VTA1: variants seen among roughly 807,000 people sequenced by gnomAD.
The protein encoded by VTA1 is vacuolar protein sorting-associated protein VTA1 homolog.
A neutral mutation model predicts 36.9 loss-of-function variants in VTA1; 24 were observed. That is an observed-to-expected ratio of 0.65 (90% CI 0.47 to 0.91). The LOEUF (loss-of-function observed/expected upper bound fraction) is 0.91. Ranked by LOEUF, VTA1 falls within the 40% of genes least tolerant of loss-of-function variation. VTA1 has a pLI of 0.00. For missense variants in VTA1, 393 were observed against 377.2 expected (o/e 1.04, Z -0.35); for synonymous variants, 142 against 130.2 (o/e 1.09, Z -0.62).
At chr6:142,166,933 A>C in intron 2 of VTA1, among the ~76,000 whole-genome samples, 1 of 151,614 alleles carries the variant, frequency 6.6e-6, no homozygotes, top group East Asian at 1.9e-4. Flanking sequence ...GCCGTGAAAA[A>C]CCCTTTCTAA....
chr6:142,184,150 G>A (rs1335411686), intron 4 of VTA1, among the ~76,000 whole-genome samples: 32 of 152,078 alleles, frequency 2.1e-4, no homozygotes. Context: ...ACTACCAAAA[G>A]GTACATTCTG....
At chr6:142,149,816 T>A (rs1022945917) in intron 1 of VTA1, among the ~76,000 whole-genome samples, 29 of 152,180 alleles carry the variant, frequency 1.9e-4, no homozygotes, top group Non-Finnish European at 4.4e-5. Context: ...TGTAGATGGG[T>A]GTTTTTAATC....
At chr6:142,192,173 G>A (rs1250983827) in intron 5 of VTA1, among the ~76,000 whole-genome samples, 1 of 151,982 alleles carries the variant, frequency 6.6e-6, no homozygotes, top group African/African-American at 2.4e-5. Flanking sequence ...AGATAGCAAA[G>A]CAATATGCAT....
intron 7 of VTA1, among the ~76,000 whole-genome samples, chr6:142,208,600 C>G (rs1232931331): frequency 1.3e-5 from 2 of 152,076 alleles, no homozygotes; most frequent in African/African-American, 4.8e-5. Context: ...CGAACAGATT[C>G]AACCCCCAAA....
At chr6:142,190,870 A>G (rs918850183) in intron 5 of VTA1, among the ~76,000 whole-genome samples, 5 of 152,224 alleles carry the variant, frequency 3.3e-5, no homozygotes, top group African/African-American at 4.8e-5. Flanking sequence ...GTTGTGTTCC[A>G]GTAAAGCTTT....
At chr6:142,170,582 A>T (rs763997845) in intron 4 of VTA1, among the ~76,000 whole-genome samples, 161 bp downstream of exon 4, 6 of 152,246 alleles carry the variant, frequency 3.9e-5, no homozygotes, top group Non-Finnish European at 5.9e-5. Context: ...TTTAAAAAGT[A>T]AATTATTTCC....
intron 5 of VTA1, among the ~76,000 whole-genome samples, chr6:142,192,718 G>A (rs1775478418): frequency 6.6e-6 from 1 of 151,798 alleles, no homozygotes; most frequent in African/African-American, 2.4e-5. Context: ...GTGTGTGTGT[G>A]TGTGTGTGTG....
intron 7 of VTA1, among the ~76,000 whole-genome samples, chr6:142,206,955 T>C (rs1187374731): frequency 6.6e-6 from 1 of 152,184 alleles, no homozygotes; most frequent in African/African-American, 2.4e-5. Context: ...AAAATGGTTC[T>C]GATGCCTAAA....
chr6:142,158,944 C>A (rs559039549), intron 1 of VTA1, among the ~76,000 whole-genome samples: 33 of 152,076 alleles, frequency 2.2e-4, no homozygotes, highest in Non-Finnish European at 8.8e-5. Flanking sequence ...TATACGTATA[C>A]CATAAACCTT....
At position 142,222,098 on chromosome 6, in the gene VTA1, CTGTAA is replaced by C. The variant is rs1462696596; in HGVS notation, c.*3456_*3460del. Reference sequence around the variant, plus strand: ...TTTTTTAGGTAGAGCCACAGGATTTCTGTAAACTGGATGTGAGGTACGAACATAAG... The same window carrying C: ...TTTTTTAGGTAGAGCCACAGGATTTCACTGGATGTGAGGTACGAACATAAG... On this transcript the variant is annotated 3_prime_UTR_variant, in exon 8 of 8. Coordinates refer to ENST00000367630, the MANE Select transcript of VTA1 (RefSeq NM_016485.5). The C allele has an allele frequency of 6.6e-6, 1 of 151,950 alleles. No homozygotes were observed. Among genetic ancestry groups the C allele is most frequent in the Non-Finnish European group, 1.5e-5 (1 of 68,028 alleles). The allele number at this position is 151,950 out of a possible 1,614,324, so 9.4% of individuals were successfully genotyped here.
intron 2 of VTA1, among the ~76,000 whole-genome samples, chr6:142,168,782 T>TATTA (rs1774973314): frequency 7.0e-6 from 1 of 142,764 alleles, no homozygotes; most frequent in African/African-American, 2.5e-5. Flanking sequence ...TTATTATTAT[T>TATTA]TTGAGACAGA....
chr6:142,191,056 T>C (rs1775446629), intron 5 of VTA1, among the ~76,000 whole-genome samples: 1 of 152,200 alleles, frequency 6.6e-6, no homozygotes. Flanking sequence ...TTTATTATAC[T>C]GATAGGTTCA....
chr6:142,163,030 A>G (rs933079318), intron 1 of VTA1, among the ~76,000 whole-genome samples: 3 of 152,218 alleles, frequency 2.0e-5, no homozygotes, highest in Admixed American at 6.5e-5. Flanking sequence ...AATTGAGAAC[A>G]TGGGCTGTGT....
intron 4 of VTA1, among the ~76,000 whole-genome samples, chr6:142,172,325 A>G (rs1471302544): frequency 6.6e-6 from 1 of 152,146 alleles, no homozygotes; most frequent in African/African-American, 2.4e-5. Flanking sequence ...TTTTTTTTGT[A>G]ATGTGACTGT....
At chr6:142,205,507 C>A (rs1258089183) in intron 7 of VTA1, among the ~76,000 whole-genome samples, 3 of 151,980 alleles carry the variant, frequency 2.0e-5, no homozygotes, top group African/African-American at 4.8e-5. Flanking sequence ...CTAGCACATA[C>A]CTTTTTTAAG....
At chr6:142,193,551 G>A (rs1188974658) in intron 5 of VTA1, among the ~76,000 whole-genome samples, 1 of 151,978 alleles carries the variant, frequency 6.6e-6, no homozygotes, top group African/African-American at 2.4e-5. Context: ...ATAAATAAAT[G>A]TATTTATTCA....
chr6:142,180,521 G>C (rs1775206848), intron 4 of VTA1, among the ~76,000 whole-genome samples: 1 of 152,246 alleles, frequency 6.6e-6, no homozygotes, highest in South Asian at 2.1e-4. Flanking sequence ...TAAATTATTA[G>C]TGGGCTTTAA....
At chr6:142,148,259 G>C (rs1008110128) in intron 1 of VTA1, among the ~76,000 whole-genome samples, 5 of 152,128 alleles carry the variant, frequency 3.3e-5, no homozygotes, top group Non-Finnish European at 7.3e-5. Flanking sequence ...CTAAAATCTG[G>C]TCACTGTTAT....
rs140798931 is a variant in VTA1, at chr6:142,202,823, T to G, written c.698-1162T>G. ...ATATTTTTTTGTACTATATAAAATT[T>G]GTACTTCACCTTTCATCTGTATCCC... On this transcript the variant is annotated intron_variant, in intron 6 of 7. Coordinates refer to ENST00000367630, the MANE Select transcript of VTA1 (RefSeq NM_016485.5). 4.3e-4 allele frequency among the ~76,000 whole-genome samples: 66 copies of G among 152,126 alleles called. 1 individual carries two copies. The highest frequency in any genetic ancestry group is 1.5e-3 in the African/African-American group (64 of 41,572).
Sources: allele counts gnomAD v4.1 joint callset (sites outside exome capture counted in the v4.1 genomes callset), GRCh38; gene constraint gnomAD v4.1.1; transcripts MANE v1.5; gene names NCBI Gene and HGNC (gene_info 2026-07-23, HGNC 2026-07-21).